The following ABCA12 variants were observed in gnomAD, a reference collection of about 807,000 sequenced individuals.
ABCA12 encodes ATP binding cassette subfamily A member 12.
In ABCA12, 156 loss-of-function variants were observed where a neutral mutation model predicts 293.5. The ratio of observed to expected loss-of-function variants is 0.53; its 90% CI spans 0.47 to 0.61. ABCA12 has a LOEUF of 0.61. Ranked by LOEUF, ABCA12 falls within the 20% of genes least tolerant of loss-of-function variation. ABCA12 has a pLI of 0.00. For missense variants in ABCA12, 2,797 were observed against 3,090.2 expected (o/e 0.91, Z 2.25); for synonymous variants, 1,063 against 1,108.0 (o/e 0.96, Z 0.81).
At chr2:214,971,594 G>A (rs1207444807) in intron 36 of ABCA12, among the ~76,000 whole-genome samples, 2 of 152,070 alleles carry the variant, frequency 1.3e-5, no homozygotes, top group African/African-American at 4.8e-5. Context: ...GTATAAATGT[G>A]TTTTCTTGTG....
At chr2:215,137,523 T>C (rs1027892277) in intron 1 of ABCA12, among the ~76,000 whole-genome samples, 1 of 152,184 alleles carries the variant, frequency 6.6e-6, no homozygotes, top group Non-Finnish European at 1.5e-5. Flanking sequence ...AAAAAGACGT[T>C]GCAATGAGCA....
chr2:215,117,575 T>C lies in ABCA12; in HGVS notation c.70-5885A>G, dbSNP rs188014784. Among the ~76,000 whole-genome samples, 658 of 152,354 alleles carry C rather than the reference T, an allele frequency of 4.3e-3. 2 individuals are homozygous for C. The highest frequency in any genetic ancestry group is 7.0e-3 in the Non-Finnish European group (475 of 68,042). ...TTCAAAAACCCGATGTTCTAAAAAA[T>C]TTGGGCAAAGCATATAATTTCAACT... On this transcript the variant is annotated intron_variant, in intron 1 of 52. Coordinates refer to ENST00000272895, the MANE Select transcript of ABCA12 (RefSeq NM_173076.3).
At position 215,049,803 on chromosome 2, in the gene ABCA12, C is replaced by A; in HGVS notation, c.516G>T (p.Lys172Asn). Residue 172 changes from lysine to asparagine, a missense_variant, in exon 6 of 53, where the codon AAG (lysine) becomes AAT (asparagine). Lys to Asn is a moderately conservative substitution (Grantham distance 94). Transcript: ENST00000272895. Reference protein sequence around the residue: ...ARILGLEKLLKQNSTSEDIRR... With the variant: ...ARILGLEKLLNQNSTSEDIRR... ...GTATATCTTCTGAAGTTGAATTTTG[C>A]TTTAACAGCTAAAAGCATGTGTGAA... The A allele has an allele frequency of 6.2e-7, 1 of 1,612,102 alleles. No individual in the cohort carries two copies. The highest frequency in any genetic ancestry group is 8.5e-7 in the Non-Finnish European group (1 of 1,179,100).
rs549482868 is a variant in ABCA12 at position 215,021,272 on chromosome 2, G to A, written c.1288-1476C>T. Among the ~76,000 whole-genome samples, 3 of 152,292 alleles carry A rather than the reference G, an allele frequency of 2.0e-5. No homozygotes were observed. In the South Asian group the frequency reaches 6.2e-4, roughly 32 times the overall value. On this transcript the variant is annotated intron_variant, in intron 11 of 52. Coordinates refer to ENST00000272895, the MANE Select transcript of ABCA12 (RefSeq NM_173076.3). Reference sequence around the variant, plus strand: ...CGAGAAGACGCCTGATTTTTTGGAAGTGTCTGCACCGTTATTGACGTTATT... The same window carrying A: ...CGAGAAGACGCCTGATTTTTTGGAAATGTCTGCACCGTTATTGACGTTATT...
intron 11 of ABCA12, 45 bp downstream of exon 11, chr2:215,025,628 G>GTTTTTTTTTTTTTTT: frequency 1.7e-6 from 2 of 1,203,796 alleles, no homozygotes; most frequent in Non-Finnish European, 2.3e-6. Context: ...TTGTCTTTTT[G>GTTTTTTTTTTTTTTT]TTTTTTTTTT....
chr2:215,135,267 T>C (rs1444612689), intron 1 of ABCA12, among the ~76,000 whole-genome samples: 2 of 152,212 alleles, frequency 1.3e-5, no homozygotes, highest in African/African-American at 4.8e-5. Flanking sequence ...CCCCAGCATA[T>C]ACTTTTATAA....
chr2:214,955,513 C>G, intron 42 of ABCA12, 152 bp from the exon 43 acceptor site: 1 of 705,922 alleles, frequency 1.4e-6, no homozygotes, highest in Non-Finnish European at 2.4e-6. Flanking sequence ...AAAACCCTGT[C>G]TCTACAGAAA....
chr2:215,032,021 C>G, intron 8 of ABCA12, 125 bp from the exon 9 acceptor site: 1 of 1,555,294 alleles, frequency 6.4e-7, no homozygotes, highest in Non-Finnish European at 8.6e-7. Context: ...GAATCATTCT[C>G]AAAAGAATTG....
At chr2:215,057,896 C>T (rs892825536) in intron 3 of ABCA12, among the ~76,000 whole-genome samples, 3 of 151,966 alleles carry the variant, frequency 2.0e-5, no homozygotes, top group Admixed American at 6.6e-5. Context: ...TACATCGTAC[C>T]TACCATATTC....
At chr2:215,056,260 G>A (rs902610285) in intron 3 of ABCA12, among the ~76,000 whole-genome samples, 2 of 151,980 alleles carry the variant, frequency 1.3e-5, no homozygotes, top group African/African-American at 4.8e-5. Context: ...TCTGCTCCAC[G>A]GAGGACACTT....
intron 23 of ABCA12, among the ~76,000 whole-genome samples, chr2:214,992,653 G>C (rs1422129856): frequency 6.6e-6 from 1 of 150,792 alleles, no homozygotes; most frequent in African/African-American, 2.4e-5. Flanking sequence ...CCTGAGGTCA[G>C]GAGTTCCACA....
rs201202909 is a variant in ABCA12, at chr2:215,045,923, C to T, written c.786G>A (p.Val262=). The stretch of plus-strand genomic sequence containing the variant: ...TTGGAAAACTAGACAGAAGCTGCCA[C>T]ACAGCTTTCTGCTCTTGCACTTGTG... The part of the protein sequence containing the change: ...FFSQVQEQKA[V]WQLLSSFPNV... The change falls in exon 7 of 53, where the codon GTG becomes GTA. Residue 262 remains valine, a synonymous_variant. Transcript: ENST00000272895. The T allele has an allele frequency of 1.4e-4, 227 of 1,613,476 alleles. No individual in the cohort carries two copies. The highest frequency in any genetic ancestry group is 1.9e-4 in the Non-Finnish European group (225 of 1,179,604).
chr2:215,138,320 G>C lies in ABCA12; in HGVS notation c.-112C>G. ...TCAGTGTATCAGTACCCCTTTCACGGCATAGCTTCCTTGAGGGCTGGGGTA... is the reference window on the plus strand; with the variant it reads ...TCAGTGTATCAGTACCCCTTTCACGCCATAGCTTCCTTGAGGGCTGGGGTA... On this transcript the variant is annotated 5_prime_UTR_variant, in exon 1 of 53. Coordinates refer to ENST00000272895, the MANE Select transcript of ABCA12 (RefSeq NM_173076.3). 3 of 1,123,776 alleles carry C rather than the reference G, an allele frequency of 2.7e-6. 1 individual carries two copies. In the South Asian group the frequency reaches 3.7e-5, roughly 14 times the overall value. 69.6% of individuals were successfully genotyped at this position (1,123,776 alleles called of 1,614,324 possible).
intron 1 of ABCA12, among the ~76,000 whole-genome samples, chr2:215,132,222 GT>G (rs895026398): frequency 6.6e-6 from 1 of 152,004 alleles, no homozygotes; most frequent in African/African-American, 2.4e-5. Flanking sequence ...CAGTTGTTGG[GT>G]ATAATGTTCT....
intron 14 of ABCA12, among the ~76,000 whole-genome samples, chr2:215,016,891 C>G (rs1424182120): frequency 6.6e-6 from 1 of 152,014 alleles, no homozygotes; most frequent in East Asian, 1.9e-4. Context: ...GCCACAGGAA[C>G]TTTTCACTCT....
rs1267863219 is a variant in ABCA12, at chr2:215,134,595, CTCTCTA to C, written c.69+3539_69+3544del. 6.6e-4 allele frequency among the ~76,000 whole-genome samples: 54 copies of C among 81,492 alleles called. 1 individual carries two copies. The highest frequency in any genetic ancestry group is 4.9e-3 in the African/African-American group (49 of 10,078). 53.5% of individuals were successfully genotyped at this position (81,492 alleles called of 152,430 possible). On this transcript the variant is annotated intron_variant, in intron 1 of 52. Transcript: ENST00000272895. Reference sequence around the variant, plus strand: ...ATATATAATCTCTCTCTCTCTCTCTCTCTCTATATATATATATATATAGAGAGAGAG... The same window carrying C: ...ATATATAATCTCTCTCTCTCTCTCTCTATATATATATATATAGAGAGAGAG...
At chr2:215,014,134 T>C (rs1182932885) in intron 15 of ABCA12, among the ~76,000 whole-genome samples, 2 of 151,072 alleles carry the variant, frequency 1.3e-5, no homozygotes, top group Non-Finnish European at 2.9e-5. Flanking sequence ...TGAGCCGAGA[T>C]GGCACAACTG....
intron 3 of ABCA12, among the ~76,000 whole-genome samples, chr2:215,055,836 G>T (rs577691338): frequency 6.6e-6 from 1 of 152,126 alleles, no homozygotes; most frequent in East Asian, 1.9e-4. Context: ...CTGACTGTAT[G>T]CCCCTAATCT....
At chr2:214,974,683 T>G (rs1470530108) in intron 35 of ABCA12, 95 bp downstream of exon 35, 7 of 1,199,360 alleles carry the variant, frequency 5.8e-6, no homozygotes, top group Non-Finnish European at 8.7e-6. Flanking sequence ...ACAGCTTTCT[T>G]CCAGGCAAAT....
Sources: allele counts gnomAD v4.1 joint callset (sites outside exome capture counted in the v4.1 genomes callset), GRCh38; gene constraint gnomAD v4.1.1; transcripts MANE v1.5; gene names NCBI Gene and HGNC (gene_info 2026-07-23, HGNC 2026-07-21).